Variants in HTT observed in about 807,000 individuals in gnomAD.
The protein encoded by HTT is huntingtin, also known as huntington disease protein.
A neutral mutation model predicts 362.3 loss-of-function variants in HTT; 104 were observed. The ratio of observed to expected loss-of-function variants is 0.29; its 90% CI spans 0.24 to 0.34. The LOEUF (loss-of-function observed/expected upper bound fraction) is 0.34. Among genes scored for constraint, HTT ranks in the 10% least tolerant of loss-of-function variants. The pLI, the probability that HTT is intolerant of heterozygous loss-of-function variation, is 1.00. For missense variants in HTT, 3,301 were observed against 3,928.6 expected (o/e 0.84, Z 4.27); for synonymous variants, 1,577 against 1,548.7 (o/e 1.02, Z -0.43).
intron 6 of HTT, among the ~76,000 whole-genome samples, chr4:3,111,989 T>A (rs1333572477): frequency 3.3e-5 from 5 of 152,244 alleles, no homozygotes; most frequent in Non-Finnish European, 7.3e-5. Flanking sequence ...GCATTTGAAC[T>A]TCTTCCTACG....
At chr4:3,103,575 A>G (rs1206097477) in intron 3 of HTT, among the ~76,000 whole-genome samples, 4 of 152,146 alleles carry the variant, frequency 2.6e-5, no homozygotes, top group Non-Finnish European at 4.4e-5. Flanking sequence ...GATGTTATGT[A>G]GTATTTGATG....
chr4:3,177,428 G>C, intron 34 of HTT, 41 bp downstream of exon 34: 2 of 1,318,846 alleles, frequency 1.5e-6, no homozygotes, highest in Non-Finnish European at 2.1e-6. Flanking sequence ...TCTTCTTCTT[G>C]TGTACTTACA....
chr4:3,229,077 A>T (rs2530598), intron 59 of HTT, 68 bp downstream of exon 59: 9 of 1,432,618 alleles, frequency 6.3e-6, no homozygotes, highest in East Asian at 2.4e-5. Context: ...CACACACCCC[A>T]CACACACACA....
At chr4:3,130,278 T>C in intron 13 of HTT, 27 bp from the exon 14 acceptor site, 1 of 1,360,362 alleles carries the variant, frequency 7.4e-7, no homozygotes, top group Non-Finnish European at 1.0e-6. Flanking sequence ...AATTTGTCAC[T>C]TAATCTTGAT....
At chr4:3,193,415 C>G (rs1242240596) in intron 40 of HTT, among the ~76,000 whole-genome samples, 1 of 152,196 alleles carries the variant, frequency 6.6e-6, no homozygotes. Flanking sequence ...TAATATTTTG[C>G]CACCAGTTGG....
chr4:3,200,557 A>T lies in HTT; in HGVS notation c.5576+618A>T, dbSNP rs142137386. Among the ~76,000 whole-genome samples, 544 of 152,320 alleles carry T rather than the reference A, an allele frequency of 3.6e-3. 1 individual carries two copies. Among genetic ancestry groups the T allele is most frequent in the Non-Finnish European group, 5.4e-3 (366 of 68,032 alleles). On this transcript the variant is annotated intron_variant, in intron 41 of 66. Coordinates refer to ENST00000355072, the MANE Select transcript of HTT (RefSeq NM_001388492.1). ...CCCCGCCCAGCTGAATCCTCAGCAC[A>T]GTATTTCTGGAAGGCTCAAGATCCC...
intron 47 of HTT, among the ~76,000 whole-genome samples, chr4:3,210,902 A>ATTTTTTTTTT (rs1161511149): frequency 2.2e-5 from 2 of 92,774 alleles, no homozygotes; most frequent in South Asian, 2.9e-4. Context: ...AAAATTGTTT[A>ATTTTTTTTTT]TCTTTTTTTT....
rs1720529329 is a variant in HTT at position 3,218,630 on chromosome 4, C to G, written c.7242+678C>G. Among the ~76,000 whole-genome samples the G allele has an allele frequency of 1.3e-5, 2 of 149,862 alleles. No homozygotes were observed. The highest frequency in any genetic ancestry group is 4.2e-4 in the South Asian group (2 of 4,744). On this transcript the variant is annotated intron_variant, in intron 52 of 66. Transcript: ENST00000355072. This position sits in a 1 kb window ranked among gnomAD's most constrained non-coding sequence, Gnocchi z 4.4. The stretch of plus-strand genomic sequence containing the variant: ...CCTGGGCAACAGAGCAAGACTCCGT[C>G]TCAAAAAAAAAAAAGGTAGGTGTTA...
At chr4:3,080,205 C>G (rs964936323) in intron 1 of HTT, among the ~76,000 whole-genome samples, 8 of 151,568 alleles carry the variant, frequency 5.3e-5, no homozygotes, top group Middle Eastern at 3.4e-3. Context: ...AGTGATTCTT[C>G]TGCCTCAGCC....
chr4:3,197,801 AC>A (rs1212494682), intron 40 of HTT, among the ~76,000 whole-genome samples: 1 of 152,124 alleles, frequency 6.6e-6, no homozygotes, highest in Non-Finnish European at 1.5e-5. Context: ...CACCTAGAAC[AC>A]AGCTTGGATT....
chr4:3,212,200 C>T, intron 48 of HTT, 58 bp downstream of exon 48: 1 of 1,290,084 alleles, frequency 7.8e-7, no homozygotes, highest in South Asian at 1.3e-5. Context: ...CAGTATAGTA[C>T]TTTGCACCAA....
intron 27 of HTT, among the ~76,000 whole-genome samples, chr4:3,155,767 T>G (rs1717112970): frequency 7.2e-6 from 1 of 139,462 alleles, no homozygotes; most frequent in Admixed American, 7.2e-5. Flanking sequence ...GCATGGTGGC[T>G]CGCGCCAGTC....
Position 3,140,530 on chromosome 4 carries a change from A to G in HTT, c.2819A>G (p.Tyr940Cys). 6.2e-7 allele frequency: 1 copy of G among 1,614,178 alleles called. No homozygotes were observed. The highest frequency in any genetic ancestry group is 8.5e-7 in the Non-Finnish European group (1 of 1,180,006). ...GTTAGGCTTGTCCCAAAGCTGTTTTATAAATGTGACCAAGGACAAGCTGAT... is the reference window on the plus strand; with the variant it reads ...GTTAGGCTTGTCCCAAAGCTGTTTTGTAAATGTGACCAAGGACAAGCTGAT... ...SLIRLVPKLF[Y>C]KCDQGQADPV... The change falls in exon 22 of 67, where the codon TAT becomes TGT. Residue 940 changes from tyrosine to cysteine, a missense_variant. Tyr to Cys is a radical substitution (Grantham distance 194). This residue lies in a region of HTT where 2,316 missense variants were observed against 2,658.5 expected (regional missense o/e 0.87). Coordinates refer to ENST00000355072, the MANE Select transcript of HTT (RefSeq NM_001388492.1).
Position 3,132,839 on chromosome 4 carries a change from C to T in HTT, c.2421C>T (p.Cys807=), listed in dbSNP as rs1326368630. The T allele has an allele frequency of 6.2e-7, 1 of 1,614,000 alleles. No individual in the cohort carries two copies. Among genetic ancestry groups the T allele is most frequent in the African/African-American group, 1.3e-5 (1 of 74,938 alleles). The change falls in exon 18 of 67, where the codon TGC becomes TGT. Residue 807 remains cysteine, a synonymous_variant. Coordinates refer to ENST00000355072, the MANE Select transcript of HTT (RefSeq NM_001388492.1). ...GAAATACATTTTCTTTGGCGGATTGCATTCCTTTGCTGCGGAAAACACTGA... is the reference window on the plus strand; with the variant it reads ...GAAATACATTTTCTTTGGCGGATTGTATTCCTTTGCTGCGGAAAACACTGA... ...LTGNTFSLAD[C]IPLLRKTLKD...
At chr4:3,139,312 C>T (rs150391487) in intron 21 of HTT, among the ~76,000 whole-genome samples, 275 of 152,294 alleles carry the variant, frequency 1.8e-3, no homozygotes, top group African/African-American at 6.4e-3. Flanking sequence ...ATTTTCCTGC[C>T]TCAGCCTCCC....
At position 3,212,450 on chromosome 4, in the gene HTT, GA is replaced by G; in HGVS notation, c.6629-113del. The G allele has an allele frequency of 3.0e-6, 4 of 1,347,184 alleles. No individual in the cohort carries two copies. The South Asian group carries it at 5.3e-5, about 18-fold the overall frequency. The allele number at this position is 1,347,184 out of a possible 1,614,324, so 83.5% of individuals were successfully genotyped here. A position where few individuals can be genotyped will look rare whatever the true frequency, so the allele number is the denominator to read the frequency against. ...TGGACGGATGTGTAGATGTGCCACT[GA>G]GGAACAATGTCTTGAGCTTTCATCA... is the stretch of plus-strand genomic sequence containing the variant. On this transcript the variant is annotated intron_variant, in intron 48 of 66. Coordinates refer to ENST00000355072, the MANE Select transcript of HTT (RefSeq NM_001388492.1).
chr4:3,241,820 A>G lies in HTT; in HGVS notation c.*1761A>G, dbSNP rs899011218. ...ATGAGGCTTTTCCCACCAGCTCCCA[A>G]CAGAGGCCTCCCCCAGCCAGGACCA... On this transcript the variant is annotated 3_prime_UTR_variant, in exon 67 of 67. Coordinates refer to ENST00000355072, the MANE Select transcript of HTT (RefSeq NM_001388492.1). 1 of 152,226 alleles carries G rather than the reference A, an allele frequency of 6.6e-6. No homozygotes were observed. The highest frequency in any genetic ancestry group is 2.4e-5 in the African/African-American group (1 of 41,438). 9.4% of individuals were successfully genotyped at this position (152,226 alleles called of 1,614,324 possible). A position where few individuals can be genotyped will look rare whatever the true frequency, so the allele number is the denominator to read the frequency against.
intron 53 of HTT, among the ~76,000 whole-genome samples, chr4:3,220,767 A>G (rs1478489028): frequency 2.0e-5 from 3 of 152,160 alleles, no homozygotes; most frequent in Non-Finnish European, 4.4e-5. Context: ...CCCAGAGCCT[A>G]GAGGCAGCAT....
chr4:3,235,846 C>T, intron 63 of HTT, 68 bp downstream of exon 63: 1 of 1,208,068 alleles, frequency 8.3e-7, no homozygotes, highest in South Asian at 1.3e-5. Flanking sequence ...AGCATGCTCA[C>T]TCAAGGGACC....
Sources: gnomAD v4.1 joint callset for allele counts (sites outside exome capture counted in the v4.1 genomes callset) on GRCh38, gnomAD v4.1.1 for gene constraint, gnomAD v4.1.1 regional missense constraint, Gnocchi (gnomAD v3.1) non-coding constraint, MANE v1.5 for transcripts, NCBI Gene and HGNC (gene_info 2026-07-23, HGNC 2026-07-21) for gene names.